Variants in RPH3AL observed in about 807,000 individuals in gnomAD.
The protein encoded by RPH3AL is rab effector Noc2.
A neutral mutation model predicts 43.1 loss-of-function variants in RPH3AL; 38 were observed. The ratio of observed to expected loss-of-function variants is 0.88; its 90% CI spans 0.68 to 1.15. The LOEUF (loss-of-function observed/expected upper bound fraction) is 1.15, where lower values mean the gene tolerates loss of function less well. Ranked by LOEUF, RPH3AL falls within the 50% of genes most tolerant of loss-of-function variation. The pLI, the probability that RPH3AL is intolerant of heterozygous loss-of-function variation, is 0.00. For missense variants in RPH3AL, 462 were observed against 423.2 expected, an observed-to-expected ratio of 1.09 and a Z score of -0.81; for synonymous variants, 189 against 176.3, an observed-to-expected ratio of 1.07 and a Z score of -0.57.
rs2043007775 is a variant in RPH3AL, at chr17:289,881, C to T, written c.352-8027G>A. Among the ~76,000 whole-genome samples the T allele has an allele frequency of 1.3e-5, 2 of 152,214 alleles. No homozygotes were observed. The highest frequency in any genetic ancestry group is 6.5e-5 in the Admixed American group (1 of 15,278). On this transcript the variant is annotated intron_variant, in intron 5 of 9. Transcript: ENST00000331302. The surrounding 1 kb of genome is among the most constrained non-coding windows in gnomAD (Gnocchi z 5.2). Reference sequence around the variant, plus strand: ...GCAACACTCCTTCCACAATGAGAGCCTCCAGAATGGGCTCCTGCCTCTTCT... The same window carrying T: ...GCAACACTCCTTCCACAATGAGAGCTTCCAGAATGGGCTCCTGCCTCTTCT...
chr17:317,338 G>T (rs1390831569), intron 5 of RPH3AL, among the ~76,000 whole-genome samples: 3 of 146,156 alleles, frequency 2.1e-5, no homozygotes, highest in African/African-American at 5.3e-5. Flanking sequence ...CACCTCCATT[G>T]ACCTGAAGTC....
chr17:282,127 A>G (rs9906685), intron 5 of RPH3AL, among the ~76,000 whole-genome samples: 111,537 of 152,098 alleles, frequency 0.73, 42,720 homozygotes, highest in Non-Finnish European at 0.84. Flanking sequence ...CAGCTGCGTC[A>G]CGTTTGATAG....
chr17:324,717 A>G (rs2044574630), intron 3 of RPH3AL, among the ~76,000 whole-genome samples: 1 of 151,264 alleles, frequency 6.6e-6, no homozygotes, highest in Non-Finnish European at 1.5e-5. Flanking sequence ...GTACCTATCT[A>G]TCTATCTATC....
chr17:296,450 C>T (rs549468032), intron 5 of RPH3AL, among the ~76,000 whole-genome samples: 5 of 147,016 alleles, frequency 3.4e-5, no homozygotes, highest in Admixed American at 6.7e-5. Flanking sequence ...CAGACATGAA[C>T]GGGCAGAGGG....
chr17:253,691 A>C (rs1336317811), intron 6 of RPH3AL, among the ~76,000 whole-genome samples: 1 of 136,630 alleles, frequency 7.3e-6, no homozygotes, highest in Non-Finnish European at 1.6e-5. Context: ...TACCCTACGT[A>C]CTTCCTATGA....
rs1011449125 is a variant in RPH3AL, at chr17:225,982, C to T, written c.614-6246G>A. On this transcript the variant is annotated intron_variant, in intron 7 of 9. Transcript: ENST00000331302. This position sits in a 1 kb window ranked among gnomAD's most constrained non-coding sequence, Gnocchi z 4.4. ...GTCACAGAGTTGGGCTGGGAGCAGGCGAAAACGGCAAGACAACCGTGAACC... is the reference window on the plus strand; with the variant it reads ...GTCACAGAGTTGGGCTGGGAGCAGGTGAAAACGGCAAGACAACCGTGAACC... Among the ~76,000 whole-genome samples, 2 of 152,198 alleles carry T rather than the reference C, an allele frequency of 1.3e-5. No homozygotes were observed. The highest frequency in any genetic ancestry group is 2.4e-5 in the African/African-American group (1 of 41,442).
intron 7 of RPH3AL, among the ~76,000 whole-genome samples, chr17:224,991 C>A (rs8065720): frequency 6.8e-6 from 1 of 145,990 alleles, no homozygotes; most frequent in Non-Finnish European, 1.5e-5. Context: ...GGAGGGATAG[C>A]GTTAGGAGAT....
At chr17:237,405 G>A in intron 7 of RPH3AL, among the ~76,000 whole-genome samples, 1 of 152,194 alleles carries the variant, frequency 6.6e-6, no homozygotes, top group East Asian at 1.9e-4. Flanking sequence ...CCCGTTCAAA[G>A]CCACCCAGGA....
chr17:294,886 GAC>G, intron 5 of RPH3AL, among the ~76,000 whole-genome samples: 8 of 53,976 alleles, frequency 1.5e-4, no homozygotes, highest in African/African-American at 6.2e-4. Context: ...TGCAGAAATG[GAC>G]AGCAGAGGGA....
chr17:219,606 T>C lies in RPH3AL; in HGVS notation c.727+17A>G, dbSNP rs756030721. ...ACCGTGCCCGGCCAATAAGCAGCAT[T>C]TCACTCCCCACCTTACCTGACTCCT... On this transcript the variant is annotated intron_variant, in intron 8 of 9. Transcript: ENST00000331302. 2 of 1,487,346 alleles carry C rather than the reference T, an allele frequency of 1.3e-6. No homozygotes were observed. Among genetic ancestry groups the C allele is most frequent in the South Asian group, 1.1e-5 (1 of 89,046 alleles). 92.1% of individuals were successfully genotyped at this position (1,487,346 alleles called of 1,614,324 possible). A position where few individuals can be genotyped will look rare whatever the true frequency, so the allele number is the denominator to read the frequency against.
intron 6 of RPH3AL, among the ~76,000 whole-genome samples, chr17:280,695 T>C (rs963047074): frequency 1.3e-5 from 2 of 152,168 alleles, no homozygotes; most frequent in African/African-American, 4.8e-5. Context: ...AGGAAAGACT[T>C]AGTGACTTGG....
chr17:331,482 C>A, intron 2 of RPH3AL: 1 of 1,046,488 alleles, frequency 9.6e-7, no homozygotes, highest in Non-Finnish European at 1.2e-6. Context: ...GACGGCTGTG[C>A]ACCCCCACCC....
intron 6 of RPH3AL, among the ~76,000 whole-genome samples, chr17:268,196 C>T (rs1234454115): frequency 3.3e-5 from 5 of 152,156 alleles, no homozygotes; most frequent in East Asian, 1.9e-4. Context: ...CTTGTGACAA[C>T]GAAAGCAACC....
chr17:267,913 C>T (rs2042360586), intron 6 of RPH3AL, among the ~76,000 whole-genome samples: 1 of 152,168 alleles, frequency 6.6e-6, no homozygotes, highest in African/African-American at 2.4e-5. Context: ...GTATTTCATA[C>T]AGACATTTCA....
intron 5 of RPH3AL, among the ~76,000 whole-genome samples, chr17:299,486 G>T (rs9748191): frequency 6.6e-6 from 1 of 152,174 alleles, no homozygotes; most frequent in South Asian, 2.1e-4. Context: ...AAATGAACCC[G>T]CTCCCTCTTT....
chr17:303,736 C>T (rs376517514), intron 5 of RPH3AL, among the ~76,000 whole-genome samples: 2 of 70,570 alleles, frequency 2.8e-5, no homozygotes, highest in Admixed American at 1.8e-4. Flanking sequence ...GTGACCGTGT[C>T]TCAGGAAAGA....
chr17:323,168 C>T lies in RPH3AL; in HGVS notation c.78-1753G>A, dbSNP rs985143797. 2.0e-5 allele frequency among the ~76,000 whole-genome samples: 3 copies of T among 151,918 alleles called. No individual in the cohort carries two copies. Among genetic ancestry groups the T allele is most frequent in the African/African-American group, 7.3e-5 (3 of 41,358 alleles). Reference sequence around the variant, plus strand: ...CCCCATGGAAGGAGGGAGGCGGGTTCAGGCAGAGGAGATCACACACGAAAG... The same window carrying T: ...CCCCATGGAAGGAGGGAGGCGGGTTTAGGCAGAGGAGATCACACACGAAAG... On this transcript the variant is annotated intron_variant, in intron 3 of 9. Coordinates refer to ENST00000331302, the MANE Select transcript of RPH3AL (RefSeq NM_006987.4). This position sits in a 1 kb window ranked among gnomAD's most constrained non-coding sequence, Gnocchi z 4.4.
In RPH3AL at chr17:297,891, G is replaced by A. The variant is rs542802871; in HGVS notation, c.352-16037C>T. On this transcript the variant is annotated intron_variant, in intron 5 of 9. Transcript: ENST00000331302. The stretch of plus-strand genomic sequence containing the variant: ...GGCCCTGGACTAGCCAGCGGACAGG[G>A]AGGCTTCACGAGCTGATGGGGAGAG... Among the ~76,000 whole-genome samples the A allele has an allele frequency of 1.8e-4, 27 of 152,312 alleles. No homozygotes were observed. The South Asian group carries it at 3.1e-3, about 18-fold the overall frequency.
At chr17:315,629 C>A (rs2044018273) in intron 5 of RPH3AL, among the ~76,000 whole-genome samples, 2 of 151,084 alleles carry the variant, frequency 1.3e-5, no homozygotes, top group African/African-American at 2.5e-5. Flanking sequence ...CTGTACTCCA[C>A]CTCCACTGAC....
Sources: allele counts gnomAD v4.1 joint callset (sites outside exome capture counted in the v4.1 genomes callset), GRCh38; gene constraint gnomAD v4.1.1; non-coding constraint Gnocchi (gnomAD v3.1); transcripts MANE v1.5; gene names NCBI Gene and HGNC (gene_info 2026-07-23, HGNC 2026-07-21).